Variants in PARD6G observed in about 807,000 individuals in gnomAD.
PARD6G encodes the protein partitioning defective 6 homolog gamma.
PARD6G carries 7 observed loss-of-function variants against 10.7 expected under a neutral mutation model. That is an observed-to-expected ratio of 0.66 (90% CI 0.37 to 1.23). The LOEUF is 1.23. Ranked by LOEUF, PARD6G falls within the 50% of genes most tolerant of loss-of-function variation. PARD6G has a pLI of 0.02. For missense variants in PARD6G, 548 were observed against 571.8 expected, an observed-to-expected ratio of 0.96 and a Z score of 0.42; for synonymous variants, 287 against 269.4, an observed-to-expected ratio of 1.07 and a Z score of -0.64.
chr18:80,188,977 G>A lies in PARD6G; in HGVS notation c.295+13733C>T, dbSNP rs1012855706. Among the ~76,000 whole-genome samples, 1 of 152,238 alleles carries A rather than the reference G, an allele frequency of 6.6e-6. No individual in the cohort carries two copies. Among genetic ancestry groups the A allele is most frequent in the African/African-American group, 2.4e-5 (1 of 41,464 alleles). ...TGCTCATCCCAGCAGAGGCAGCAAG[G>A]TAGGCGTTGCCCAGCCCGGGGTTGC... On this transcript the variant is annotated intron_variant, in intron 2 of 2. Coordinates refer to ENST00000353265, the MANE Select transcript of PARD6G (RefSeq NM_032510.4). The surrounding 1 kb of genome is among the most constrained non-coding windows in gnomAD (Gnocchi z 5.4).
intron 1 of PARD6G, among the ~76,000 whole-genome samples, chr18:80,224,857 G>T (rs2145297045): frequency 6.7e-6 from 1 of 148,370 alleles, no homozygotes; most frequent in Non-Finnish European, 1.5e-5. Context: ...AAAAAAAAAA[G>T]AAAGTGACAG....
chr18:80,228,455 C>A lies in PARD6G; in HGVS notation c.72+18822G>T, dbSNP rs1266124855. ...TCGCAGGCACCAAGTGCCCCTACAGCTCACATTGTCTGCAAGGGGTCCCCA... is the reference window on the plus strand; with the variant it reads ...TCGCAGGCACCAAGTGCCCCTACAGATCACATTGTCTGCAAGGGGTCCCCA... On this transcript the variant is annotated intron_variant, in intron 1 of 2. Transcript: ENST00000353265. This position sits in a 1 kb window ranked among gnomAD's most constrained non-coding sequence, Gnocchi z 4.6. Among the ~76,000 whole-genome samples the A allele has an allele frequency of 6.6e-6, 1 of 152,180 alleles. No individual in the cohort carries two copies. The highest frequency in any genetic ancestry group is 2.4e-5 in the African/African-American group (1 of 41,436).
chr18:80,230,547 C>T (rs1419123313), intron 1 of PARD6G, among the ~76,000 whole-genome samples: 2 of 152,154 alleles, frequency 1.3e-5, no homozygotes, highest in African/African-American at 2.4e-5. Context: ...ATGGTGCAGC[C>T]GTTGGCACTC....
chr18:80,199,896 C>G (rs750332827), intron 2 of PARD6G, among the ~76,000 whole-genome samples: 1 of 152,170 alleles, frequency 6.6e-6, no homozygotes, highest in Non-Finnish European at 1.5e-5. Flanking sequence ...CCACCCGCCT[C>G]GGCCTCCCAA....
chr18:80,209,082 AGAGT>A (rs2145285397), intron 1 of PARD6G, among the ~76,000 whole-genome samples: 1 of 152,160 alleles, frequency 6.6e-6, no homozygotes, highest in African/African-American at 2.4e-5. Flanking sequence ...CTTGAGTAAC[AGAGT>A]GAGACTCCAT....
intron 1 of PARD6G, among the ~76,000 whole-genome samples, chr18:80,238,912 C>T: frequency 6.6e-6 from 1 of 152,084 alleles, no homozygotes; most frequent in East Asian, 1.9e-4. Flanking sequence ...TTCACGTAGG[C>T]CACGTGGGAG....
intron 2 of PARD6G, among the ~76,000 whole-genome samples, chr18:80,163,828 C>T (rs1222181751): frequency 6.6e-6 from 1 of 152,240 alleles, no homozygotes; most frequent in Non-Finnish European, 1.5e-5. Flanking sequence ...TTCTTCCCAT[C>T]CCTCCTAAGT....
At chr18:80,203,579 T>A (rs2145281459) in intron 1 of PARD6G, among the ~76,000 whole-genome samples, 1 of 152,274 alleles carries the variant, frequency 6.6e-6, no homozygotes, top group East Asian at 1.9e-4. Flanking sequence ...TTAATGTTAA[T>A]TTTTTGGGTG....
At chr18:80,214,359 T>C (rs2145289415) in intron 1 of PARD6G, among the ~76,000 whole-genome samples, 1 of 151,348 alleles carries the variant, frequency 6.6e-6, no homozygotes, top group East Asian at 2.0e-4. Flanking sequence ...TCAGCTACTC[T>C]GGAGGCTGAG....
In PARD6G at chr18:80,188,826, C is replaced by A. The variant is rs979395931; in HGVS notation, c.295+13884G>T. On this transcript the variant is annotated intron_variant, in intron 2 of 2. Transcript: ENST00000353265. This position sits in a 1 kb window ranked among gnomAD's most constrained non-coding sequence, Gnocchi z 5.4. ...GGGAGAGACAAGCCCACGAGATGGG[C>A]TTGCGGGGAAGTCAGGCGGGTGCAA... 5.3e-5 allele frequency among the ~76,000 whole-genome samples: 8 copies of A among 152,194 alleles called. 1 individual carries two copies. Among genetic ancestry groups the A allele is most frequent in the African/African-American group, 1.9e-4 (8 of 41,436 alleles).
chr18:80,203,050 A>T (rs1967024130), intron 1 of PARD6G, 118 bp from the exon 2 acceptor site: 8 of 680,432 alleles, frequency 1.2e-5, no homozygotes, highest in Non-Finnish European at 2.1e-5. Flanking sequence ...CATTTTCTTT[A>T]ATCAATCATC....
At chr18:80,173,390 C>T (rs1042607073) in intron 2 of PARD6G, among the ~76,000 whole-genome samples, 7 of 152,158 alleles carry the variant, frequency 4.6e-5, no homozygotes, top group Middle Eastern at 3.4e-3. Context: ...TTTGGGAGGC[C>T]GAAGTGAGTG....
At chr18:80,203,652 A>G (rs1294416816) in intron 1 of PARD6G, among the ~76,000 whole-genome samples, 1 of 152,216 alleles carries the variant, frequency 6.6e-6, no homozygotes, top group Non-Finnish European at 1.5e-5. Context: ...CTGAAGGGAC[A>G]TCTGCACAGC....
intron 2 of PARD6G, among the ~76,000 whole-genome samples, chr18:80,190,510 G>A (rs1049723221): frequency 6.6e-6 from 1 of 152,206 alleles, no homozygotes; most frequent in Non-Finnish European, 1.5e-5. Flanking sequence ...GAGCGCCTGA[G>A]CACACAGCTG....
At chr18:80,187,048 G>A (rs2052883749) in intron 2 of PARD6G, among the ~76,000 whole-genome samples, 3 of 151,490 alleles carry the variant, frequency 2.0e-5, no homozygotes, top group Admixed American at 6.6e-5. Context: ...GCAGTGAGCC[G>A]ATTGCGCCAC....
intron 2 of PARD6G, among the ~76,000 whole-genome samples, chr18:80,199,275 A>T (rs893691313): frequency 6.6e-6 from 1 of 152,206 alleles, no homozygotes; most frequent in African/African-American, 2.4e-5. Context: ...ACAATATGGG[A>T]ACTTTTATGT....
chr18:80,190,393 G>A (rs796430380), intron 2 of PARD6G, among the ~76,000 whole-genome samples: 16 of 152,280 alleles, frequency 1.1e-4, no homozygotes, highest in African/African-American at 3.4e-4. Flanking sequence ...ACTGCCTCTC[G>A]TCCAGAGTCT....
chr18:80,228,395 A>AC lies in PARD6G; in HGVS notation c.72+18881dup, dbSNP rs1967320068. On this transcript the variant is annotated intron_variant, in intron 1 of 2. Transcript: ENST00000353265. This position sits in a 1 kb window ranked among gnomAD's most constrained non-coding sequence, Gnocchi z 4.6. ...AGGCCACCCAGGTCCCTCTACATTG[A>AC]CCCCCAGCCTCCTCAATCAGCTCTG... Among the ~76,000 whole-genome samples, 1 of 151,768 alleles carries AC rather than the reference A, an allele frequency of 6.6e-6. No individual in the cohort carries two copies. The highest frequency in any genetic ancestry group is 2.1e-4 in the South Asian group (1 of 4,816).
rs2052803329 is a variant in PARD6G, at chr18:80,175,548, C to T, written c.296-14942G>A. Reference sequence around the variant, plus strand: ...CCCCTAAAGACACTGTCTCCAGATACAGTCAGACTGAGGGCTAGGACTTCG... The same window carrying T: ...CCCCTAAAGACACTGTCTCCAGATATAGTCAGACTGAGGGCTAGGACTTCG... On this transcript the variant is annotated intron_variant, in intron 2 of 2. Transcript: ENST00000353265. This position sits in a 1 kb window ranked among gnomAD's most constrained non-coding sequence, Gnocchi z 6.7. Among the ~76,000 whole-genome samples the T allele has an allele frequency of 6.6e-6, 1 of 152,226 alleles. No homozygotes were observed. Among genetic ancestry groups the T allele is most frequent in the African/African-American group, 2.4e-5 (1 of 41,454 alleles).
Sources: allele counts gnomAD v4.1 joint callset (sites outside exome capture counted in the v4.1 genomes callset), GRCh38; gene constraint gnomAD v4.1.1; non-coding constraint Gnocchi (gnomAD v3.1); transcripts MANE v1.5; gene names NCBI Gene and HGNC (gene_info 2026-07-23, HGNC 2026-07-21).